CSMD1: variants seen among roughly 807,000 people sequenced by gnomAD.
CSMD1 encodes the protein CUB and Sushi multiple domains 1.
In CSMD1, 213 loss-of-function variants were observed where a neutral mutation model predicts 417.5. The observed-to-expected ratio is 0.51, with a 90% CI of 0.46 to 0.57. The LOEUF (loss-of-function observed/expected upper bound fraction) is 0.57. Ranked by LOEUF, CSMD1 falls within the 20% of genes least tolerant of loss-of-function variation. The pLI, the probability that CSMD1 is intolerant of heterozygous loss-of-function variation, is 0.00. For synonymous variants in CSMD1, 2,862 were observed against 1,736.8 expected, an observed-to-expected ratio of 1.65 and a Z score of -16.11; for missense variants, 6,923 against 4,529.7, an observed-to-expected ratio of 1.53 and a Z score of -15.17.
At position 3,971,626 on chromosome 8, in the gene CSMD1, C is replaced by G. The variant is rs1051424298; in HGVS notation, c.818+26277G>C. Among the ~76,000 whole-genome samples the G allele has an allele frequency of 2.6e-5, 4 of 152,156 alleles. No individual in the cohort carries two copies. The East Asian group carries it at 7.7e-4, about 29-fold the overall frequency. ...TGACGGTCACTTCTACTTCTATTTC[C>G]TCAAGGGAGTCTCAAGACAATCCTG... On this transcript the variant is annotated intron_variant, in intron 5 of 69. Transcript: ENST00000635120.
intron 7 of CSMD1, among the ~76,000 whole-genome samples, chr8:3,637,590 C>T (rs1037227557): frequency 6.6e-6 from 1 of 152,058 alleles, no homozygotes; most frequent in South Asian, 2.1e-4. Flanking sequence ...ATATTGACTA[C>T]TATTTTGTTA....
chr8:3,156,746 T>C (rs1462647925), intron 39 of CSMD1, among the ~76,000 whole-genome samples: 1 of 152,080 alleles, frequency 6.6e-6, no homozygotes, highest in Non-Finnish European at 1.5e-5. Flanking sequence ...ACTGCCGATG[T>C]TTCCTTTTGC....
At chr8:3,683,668 G>A (rs7844039) in intron 7 of CSMD1, among the ~76,000 whole-genome samples, 68,835 of 152,000 alleles carry the variant, frequency 0.45, 15,843 homozygotes, top group Admixed American at 0.57. Flanking sequence ...ATTATCCTGT[G>A]AGGTTGTCAT....
chr8:2,947,107 A>G (rs1375373815), intron 68 of CSMD1, among the ~76,000 whole-genome samples: 1 of 152,146 alleles, frequency 6.6e-6, no homozygotes, highest in Admixed American at 6.5e-5. Context: ...TTCTTCGTAC[A>G]TTCTGGATAC....
At chr8:4,029,591 G>C (rs1289432146) in intron 4 of CSMD1, among the ~76,000 whole-genome samples, 4 of 152,086 alleles carry the variant, frequency 2.6e-5, no homozygotes, top group African/African-American at 9.7e-5. Context: ...TGTGAGAATT[G>C]TGGGAGCTGC....
At chr8:3,358,052 C>T (rs182775417) in intron 21 of CSMD1, among the ~76,000 whole-genome samples, 3 of 152,150 alleles carry the variant, frequency 2.0e-5, no homozygotes, top group African/African-American at 4.8e-5. Context: ...GCCCCAAAGG[C>T]AGAATCAAAG....
intron 10 of CSMD1, among the ~76,000 whole-genome samples, chr8:3,497,519 C>A (rs558548063): frequency 5.3e-5 from 8 of 152,138 alleles, no homozygotes; most frequent in African/African-American, 1.9e-4. Flanking sequence ...ATTCTCATGT[C>A]TCACCCTTCT....
chr8:3,243,412 A>C (rs1054086447), intron 26 of CSMD1, among the ~76,000 whole-genome samples: 10 of 151,082 alleles, frequency 6.6e-5, no homozygotes, highest in Non-Finnish European at 1.0e-4. Context: ...GCTGAGTCCG[A>C]AAAGAGAGTC....
At chr8:4,781,301 C>A (rs1193965118) in intron 1 of CSMD1, among the ~76,000 whole-genome samples, 1 of 152,216 alleles carries the variant, frequency 6.6e-6, no homozygotes, top group Non-Finnish European at 1.5e-5. Context: ...AAAACTCTCC[C>A]ACACAAAACA....
At chr8:4,392,483 T>A (rs1342314899) in intron 3 of CSMD1, among the ~76,000 whole-genome samples, 1 of 152,102 alleles carries the variant, frequency 6.6e-6, no homozygotes, top group Non-Finnish European at 1.5e-5. Context: ...CAAACACTCC[T>A]GAGCCAAAGA....
intron 3 of CSMD1, among the ~76,000 whole-genome samples, chr8:4,192,187 C>T (rs1356503593): frequency 6.6e-6 from 1 of 152,008 alleles, no homozygotes; most frequent in Admixed American, 6.6e-5. Context: ...CAACAGATGG[C>T]TTTAAAAATC....
chr8:3,680,697 C>T (rs1449652062), intron 7 of CSMD1, among the ~76,000 whole-genome samples: 2 of 152,182 alleles, frequency 1.3e-5, no homozygotes, highest in Non-Finnish European at 2.9e-5. Flanking sequence ...ATGAGGCCAA[C>T]ATCATCCTGA....
chr8:3,110,205 G>A lies in CSMD1; in HGVS notation c.6561C>T (p.Asn2187=). Residue 2187 remains asparagine, a synonymous_variant, in exon 43 of 70, where the codon AAC becomes AAT. Coordinates refer to ENST00000635120, the MANE Select transcript of CSMD1 (RefSeq NM_033225.6). ...CAGCTTCCGTCTGTAACAGGGTGAA[G>A]TTGATGTAAACTCCGTGCCCTGGAG... ...TVPPGHGVYI[N]FTLLQTEAVN... is the part of the protein sequence containing the mutation. 6.2e-7 allele frequency: 1 copy of A among 1,613,156 alleles called. No individual in the cohort carries two copies. Among genetic ancestry groups the A allele is most frequent in the Non-Finnish European group, 8.5e-7 (1 of 1,179,520 alleles).
intron 5 of CSMD1, among the ~76,000 whole-genome samples, chr8:3,850,087 C>A (rs1405530555): frequency 3.3e-5 from 5 of 152,198 alleles, no homozygotes; most frequent in African/African-American, 1.2e-4. Context: ...TGAGCCACTG[C>A]ACCCAGCAAA....
At chr8:3,291,176 C>T (rs1171523938) in intron 25 of CSMD1, among the ~76,000 whole-genome samples, 1 of 152,130 alleles carries the variant, frequency 6.6e-6, no homozygotes, top group Non-Finnish European at 1.5e-5. Context: ...GGATGAAACC[C>T]ACTTGATCAT....
chr8:3,741,771 G>A (rs1796816699), intron 6 of CSMD1, among the ~76,000 whole-genome samples: 1 of 152,058 alleles, frequency 6.6e-6, no homozygotes, highest in South Asian at 2.1e-4. Flanking sequence ...TTTATTTGTG[G>A]GAATATGCCC....
chr8:2,984,932 A>C (rs941441012), intron 54 of CSMD1, among the ~76,000 whole-genome samples: 1 of 152,232 alleles, frequency 6.6e-6, no homozygotes, highest in Non-Finnish European at 1.5e-5. Context: ...TACATACCCA[A>C]CTTAAAAAAT....
intron 25 of CSMD1, among the ~76,000 whole-genome samples, chr8:3,292,101 G>C (rs994065024): frequency 2.6e-5 from 4 of 152,124 alleles, no homozygotes; most frequent in Non-Finnish European, 4.4e-5. Flanking sequence ...AGTCATTCAG[G>C]AGCAGGTTGT....
chr8:4,470,074 G>A (rs1330209794), intron 2 of CSMD1, among the ~76,000 whole-genome samples: 1 of 151,912 alleles, frequency 6.6e-6, no homozygotes, highest in Non-Finnish European at 1.5e-5. Flanking sequence ...GTTTCACCGT[G>A]TTAGCCAGGA....
Sources: gnomAD v4.1 joint callset for allele counts (sites outside exome capture counted in the v4.1 genomes callset) on GRCh38, gnomAD v4.1.1 for gene constraint, MANE v1.5 for transcripts, NCBI Gene and HGNC (gene_info 2026-07-23, HGNC 2026-07-21) for gene names.